URAD: variants seen among roughly 807,000 people sequenced by gnomAD.
The protein encoded by URAD is ureidoimidazoline (2-oxo-4-hydroxy-4-carboxy-5-) decarboxylase.
A neutral mutation model predicts 4.6 loss-of-function variants in URAD; 4 were observed. The observed-to-expected ratio is 0.87, with a 90% CI of 0.43 to 1.98. The LOEUF (loss-of-function observed/expected upper bound fraction) is 1.98, where lower values mean the gene tolerates loss of function less well. Among genes scored for constraint, URAD ranks in the 30% most tolerant of loss-of-function variants. The pLI is 0.03. For synonymous variants in URAD, 144 were observed against 118.2 expected (o/e 1.22, Z -1.41); for missense variants, 300 against 255.3 (o/e 1.18, Z -1.19).
chr13:27,982,244 C>T (rs988681492), intron 1 of URAD, among the ~76,000 whole-genome samples: 3 of 152,184 alleles, frequency 2.0e-5, no homozygotes, highest in Non-Finnish European at 2.9e-5. Context: ...GCCTGACCAA[C>T]GTGGTGAAAC....
In URAD at chr13:27,978,651, C is replaced by T. The variant is rs575754190; in HGVS notation, c.176-199G>A. Among the ~76,000 whole-genome samples the T allele has an allele frequency of 1.1e-4, 16 of 152,302 alleles. No homozygotes were observed. The South Asian group carries it at 2.9e-3, about 28-fold the overall frequency. Reference sequence around the variant, plus strand: ...GAACAGGGGCGCCCTTGGCGCGCCCCTCTAACAAGTCCTGGACCTTGCGCT... The same window carrying T: ...GAACAGGGGCGCCCTTGGCGCGCCCTTCTAACAAGTCCTGGACCTTGCGCT... On this transcript the variant is annotated intron_variant, in intron 1 of 1. Transcript: ENST00000332715.
intron 1 of URAD, among the ~76,000 whole-genome samples, chr13:27,980,911 G>A (rs1240890711): frequency 6.6e-6 from 1 of 152,106 alleles, no homozygotes; most frequent in Non-Finnish European, 1.5e-5. Flanking sequence ...CTCTTGCAGC[G>A]CGAGAAGAGA....
chr13:27,979,437 T>C (rs750636728), intron 1 of URAD, among the ~76,000 whole-genome samples: 1 of 152,200 alleles, frequency 6.6e-6, no homozygotes, highest in Non-Finnish European at 1.5e-5. Context: ...ATTCCAGATA[T>C]GGTGAGCAGG....
chr13:27,978,224 A>G lies in URAD; in HGVS notation c.404T>C (p.Leu135Pro). 6.8e-7 allele frequency: 1 copy of G among 1,471,206 alleles called. No individual in the cohort carries two copies. The highest frequency in any genetic ancestry group is 8.9e-7 in the Non-Finnish European group (1 of 1,121,558). The allele number at this position is 1,471,206 out of a possible 1,614,324, so 91.1% of individuals were successfully genotyped here. Reference sequence around the variant, plus strand: ...GGACGGGCAGAGCAGCCGGCGCGCCAGCTCGCGCGGCACCGCCGTCCGGTC... The same window carrying G: ...GGACGGGCAGAGCAGCCGGCGCGCCGGCTCGCGCGGCACCGCCGTCCGGTC... ...FSDRTAVPRELARRLLCPSAQ... is the reference protein window; with the variant it reads ...FSDRTAVPREPARRLLCPSAQ... Residue 135 changes from leucine (L) to proline (P), a missense_variant, in exon 2 of 2, where the codon CTG (leucine) becomes CCG (proline). By Grantham distance (98) the Leu-to-Pro change is moderately conservative. Coordinates refer to ENST00000332715, the MANE Select transcript of URAD (RefSeq NM_001105577.2).
At chr13:27,981,830 T>C (rs925910410) in intron 1 of URAD, among the ~76,000 whole-genome samples, 6 of 152,212 alleles carry the variant, frequency 3.9e-5, no homozygotes, top group Non-Finnish European at 8.8e-5. Flanking sequence ...CCCTTATCAA[T>C]GTGCAAACAT....
Position 27,988,491 on chromosome 13 carries a change from A to G in URAD, c.147T>C (p.Phe49=). 6.2e-7 allele frequency: 1 copy of G among 1,612,732 alleles called. No individual in the cohort carries two copies. Among genetic ancestry groups the G allele is most frequent in the Non-Finnish European group, 8.5e-7 (1 of 1,179,186 alleles). ...ACTGTGCAAGGGCATCAATAAAGGC[A>G]AAAAAGTGCTTCTCTAAATCTTCCA... ...SDLEDLEKHF[F]AFIDALAQSG... Residue 49 remains phenylalanine (F), a synonymous_variant, in exon 1 of 2, where the codon TTT becomes TTC. Coordinates refer to ENST00000332715, the MANE Select transcript of URAD (RefSeq NM_001105577.2).
At chr13:27,980,070 GT>G (rs757323908) in intron 1 of URAD, among the ~76,000 whole-genome samples, 1 of 152,204 alleles carries the variant, frequency 6.6e-6, no homozygotes, top group East Asian at 1.9e-4. Context: ...ACTGTTTTTT[GT>G]TTTTTGTGTG....
At chr13:27,986,360 C>T (rs1253366162) in intron 1 of URAD, among the ~76,000 whole-genome samples, 1 of 152,128 alleles carries the variant, frequency 6.6e-6, no homozygotes, top group Non-Finnish European at 1.5e-5. Flanking sequence ...CATCAAGTCA[C>T]GGGGGCATCA....
chr13:27,980,400 T>G (rs1363702634), intron 1 of URAD, among the ~76,000 whole-genome samples: 3 of 152,192 alleles, frequency 2.0e-5, no homozygotes, highest in Non-Finnish European at 2.9e-5. Flanking sequence ...GGGTTGGTCG[T>G]GCCACGCGGC....
chr13:27,987,550 T>C (rs565971824), intron 1 of URAD, among the ~76,000 whole-genome samples: 1 of 152,272 alleles, frequency 6.6e-6, no homozygotes, highest in African/African-American at 2.4e-5. Flanking sequence ...GATTGCCCTT[T>C]CCCCTGGGCT....
chr13:27,978,366 G>C lies in URAD; in HGVS notation c.262C>G (p.Gln88Glu). Residue 88 changes from glutamine to glutamate, a missense_variant, in exon 2 of 2, where the codon CAG becomes GAG. Gln to Glu is a conservative substitution (Grantham distance 29). Transcript: ENST00000332715. Reference protein sequence around the residue: ...GTLTAESQREQSGAGLRSLGA... With the variant: ...GTLTAESQREESGAGLRSLGA... Reference sequence around the variant, plus strand: ...AGGCTCCTCAGGCCTGCGCCGCTCTGTTCCCGCTGCGACTCGGCCGTGAGC... The same window carrying C: ...AGGCTCCTCAGGCCTGCGCCGCTCTCTTCCCGCTGCGACTCGGCCGTGAGC... 1 of 1,404,274 alleles carries C rather than the reference G, an allele frequency of 7.1e-7. No homozygotes were observed. The highest frequency in any genetic ancestry group is 9.2e-7 in the Non-Finnish European group (1 of 1,085,866). 87.0% of individuals were successfully genotyped at this position (1,404,274 alleles called of 1,614,324 possible).
chr13:27,980,622 T>G (rs1327653348), intron 1 of URAD, among the ~76,000 whole-genome samples: 2 of 152,096 alleles, frequency 1.3e-5, no homozygotes, highest in African/African-American at 2.4e-5. Context: ...TCCCCACCGT[T>G]GCATGCTGTC....
intron 1 of URAD, among the ~76,000 whole-genome samples, chr13:27,988,115 C>T (rs1425512241): frequency 2.6e-5 from 4 of 152,142 alleles, no homozygotes; most frequent in Non-Finnish European, 5.9e-5. Context: ...CGTGCCACCA[C>T]GCCTGGCTAA....
intron 1 of URAD, among the ~76,000 whole-genome samples, chr13:27,985,700 A>G (rs1389506362): frequency 6.6e-6 from 1 of 151,862 alleles, no homozygotes; most frequent in Non-Finnish European, 1.5e-5. Flanking sequence ...AGCCTTCAAA[A>G]CCTGTTGGGT....
chr13:27,979,118 G>T (rs2010842401), intron 1 of URAD, among the ~76,000 whole-genome samples: 1 of 152,176 alleles, frequency 6.6e-6, no homozygotes. Flanking sequence ...TAACTGCAAA[G>T]AAACCCACCT....
chr13:27,985,473 T>TA (rs1350042519), intron 1 of URAD, among the ~76,000 whole-genome samples: 7 of 152,010 alleles, frequency 4.6e-5, no homozygotes, highest in Admixed American at 2.6e-4. Flanking sequence ...AAATAAAAAA[T>TA]AAAAAAGCCT....
At chr13:27,987,152 G>A (rs1292854369) in intron 1 of URAD, among the ~76,000 whole-genome samples, 3 of 152,214 alleles carry the variant, frequency 2.0e-5, no homozygotes, top group South Asian at 2.1e-4. Context: ...AGGCGGCATC[G>A]TCTGTTGGCT....
intron 1 of URAD, 37 bp from the exon 2 acceptor site, chr13:27,978,489 A>T (rs1299430047): frequency 9.3e-6 from 12 of 1,289,552 alleles, no homozygotes; most frequent in Non-Finnish European, 1.2e-5. Context: ...GAGCGCGTCA[A>T]CCGCGCCCGT....
In URAD at chr13:27,988,671, A is replaced by G. The variant is rs181737747; in HGVS notation, c.-34T>C. The G allele has an allele frequency of 2.7e-5, 42 of 1,540,652 alleles. 1 individual carries two copies. Among genetic ancestry groups the G allele is most frequent in the South Asian group, 1.7e-4 (14 of 80,116 alleles). ...TTCCACTGGAGACAGCGGGACGTCC[A>G]GCTCCCCTCTCGGTGAGTGAGTGAC... On this transcript the variant is annotated 5_prime_UTR_variant, in exon 1 of 2. Transcript: ENST00000332715.
Sources: gnomAD v4.1 joint callset for allele counts (sites outside exome capture counted in the v4.1 genomes callset) on GRCh38, gnomAD v4.1.1 for gene constraint, MANE v1.5 for transcripts, NCBI Gene and HGNC (gene_info 2026-07-23, HGNC 2026-07-21) for gene names.